CNTNAP2: variants seen among roughly 807,000 people sequenced by gnomAD.
CNTNAP2 encodes the protein contactin associated protein 2, also known as contactin-associated protein-like 2.
In CNTNAP2, 98 loss-of-function variants were observed where a neutral mutation model predicts 155.2. The observed-to-expected ratio is 0.63, with a 90% CI of 0.54 to 0.75. The LOEUF (loss-of-function observed/expected upper bound fraction) is 0.75. Among genes scored for constraint, CNTNAP2 ranks in the 30% least tolerant of loss-of-function variants. The pLI is 0.00. For missense variants in CNTNAP2, 1,727 were observed against 1,688.1 expected (o/e 1.02, Z -0.40); for synonymous variants, 651 against 631.2 (o/e 1.03, Z -0.47).
At chr7:147,390,794 G>A (rs574236113) in intron 9 of CNTNAP2, among the ~76,000 whole-genome samples, 43 of 152,226 alleles carry the variant, frequency 2.8e-4, no homozygotes, top group African/African-American at 8.2e-4. Context: ...TATACAGGCC[G>A]TAAATATTAG....
At chr7:146,604,723 A>G (rs1446222662) in intron 1 of CNTNAP2, among the ~76,000 whole-genome samples, 1 of 137,534 alleles carries the variant, frequency 7.3e-6, no homozygotes, top group Non-Finnish European at 1.6e-5. Flanking sequence ...GCACATATAC[A>G]CCATGGAATA....
intron 21 of CNTNAP2, among the ~76,000 whole-genome samples, chr7:148,316,991 A>G (rs1797701556): frequency 6.6e-6 from 1 of 152,206 alleles, no homozygotes; most frequent in African/African-American, 2.4e-5. Flanking sequence ...AAAACTCCAT[A>G]GGTCCCAAAT....
At chr7:147,827,870 C>T (rs1798486006) in intron 13 of CNTNAP2, among the ~76,000 whole-genome samples, 2 of 152,080 alleles carry the variant, frequency 1.3e-5, no homozygotes, top group African/African-American at 2.4e-5. Flanking sequence ...AAAGATAAAG[C>T]ATATTTCTAT....
intron 13 of CNTNAP2, among the ~76,000 whole-genome samples, chr7:147,878,897 T>C (rs1180365719): frequency 6.6e-6 from 1 of 152,208 alleles, no homozygotes; most frequent in Non-Finnish European, 1.5e-5. Context: ...CTGACAGGGC[T>C]CAATGAAGAT....
At chr7:147,181,352 A>T (rs1802453097) in intron 8 of CNTNAP2, among the ~76,000 whole-genome samples, 1 of 152,234 alleles carries the variant, frequency 6.6e-6, no homozygotes, top group Admixed American at 6.5e-5. Context: ...TTTAAAGATT[A>T]GAATTCACAT....
intron 11 of CNTNAP2, among the ~76,000 whole-genome samples, chr7:147,498,377 C>T (rs1398959853): frequency 2.0e-5 from 3 of 152,166 alleles, no homozygotes; most frequent in Non-Finnish European, 4.4e-5. Context: ...TCCGCTTTTA[C>T]CAGATAAAAT....
intron 1 of CNTNAP2, among the ~76,000 whole-genome samples, chr7:146,534,418 G>A (rs801931): frequency 0.028 from 4,324 of 152,134 alleles, 208 homozygotes; most frequent in African/African-American, 0.098. Context: ...TACAATATGA[G>A]TGCCTTTTAT....
intron 1 of CNTNAP2, among the ~76,000 whole-genome samples, chr7:146,313,048 A>T (rs1391352653): frequency 3.3e-5 from 5 of 152,186 alleles, no homozygotes; most frequent in Admixed American, 6.5e-5. Context: ...TGACATACAG[A>T]TTTCACTACC....
chr7:146,992,539 T>A (rs1222241018), intron 3 of CNTNAP2, among the ~76,000 whole-genome samples: 2 of 152,006 alleles, frequency 1.3e-5, no homozygotes, highest in Non-Finnish European at 2.9e-5. Flanking sequence ...ATAGATTGAA[T>A]CCCAGGTTCC....
chr7:146,683,830 G>A (rs1249896849), intron 1 of CNTNAP2, among the ~76,000 whole-genome samples: 1 of 152,178 alleles, frequency 6.6e-6, no homozygotes, highest in Admixed American at 6.5e-5. Flanking sequence ...CCTGTTTCAA[G>A]GTATGGTAAA....
chr7:147,078,241 G>A (rs1014686), intron 4 of CNTNAP2, among the ~76,000 whole-genome samples: 109,482 of 152,134 alleles, frequency 0.72, 39,407 homozygotes, highest in African/African-American at 0.75. Context: ...CTTTATCTGC[G>A]AAATCACTGG....
chr7:147,672,727 G>C (rs2116968943), intron 13 of CNTNAP2: 1 of 152,214 alleles, frequency 6.6e-6, no homozygotes, highest in East Asian at 1.9e-4. Flanking sequence ...ATCAGCTTTT[G>C]TACTGTGTAT....
intron 8 of CNTNAP2, among the ~76,000 whole-genome samples, chr7:147,182,040 G>C (rs758871871): frequency 8.1e-5 from 12 of 147,564 alleles, no homozygotes; most frequent in Non-Finnish European, 1.8e-4. Context: ...CAGGAGAATT[G>C]CTTGAATCCA....
chr7:147,035,808 C>G (rs1799142604), intron 3 of CNTNAP2, among the ~76,000 whole-genome samples: 2 of 152,132 alleles, frequency 1.3e-5, no homozygotes, highest in Admixed American at 6.6e-5. Context: ...AATAAATATA[C>G]TTATTCTCAT....
Position 147,044,025 on chromosome 7 carries a change from T to C in CNTNAP2, c.521T>C (p.Leu174Pro). The part of the protein sequence containing the change: ...LDWNGEGRIG[L>P]RIEVYGCSYW... ...TGGAATGGAGAAGGTCGCATTGGAC[T>C]CAGAATTGAAGTTTATGGCTGTTCT... Residue 174 changes from leucine (L) to proline (P), a missense_variant, in exon 4 of 24, where the codon CTC (leucine) becomes CCC (proline). Leu to Pro is a moderately conservative substitution (Grantham distance 98). Transcript: ENST00000361727. 1 of 1,614,188 alleles carries C rather than the reference T, an allele frequency of 6.2e-7. No individual in the cohort carries two copies. The highest frequency in any genetic ancestry group is 8.5e-7 in the Non-Finnish European group (1 of 1,180,018).
chr7:147,574,585 T>G (rs994142275), intron 12 of CNTNAP2, among the ~76,000 whole-genome samples: 1 of 151,816 alleles, frequency 6.6e-6, no homozygotes. Context: ...GTCAGCATTA[T>G]TTTTTTCATT....
intron 12 of CNTNAP2, among the ~76,000 whole-genome samples, chr7:147,623,778 TG>T: frequency 6.6e-6 from 1 of 152,050 alleles, no homozygotes; most frequent in South Asian, 2.1e-4. Context: ...AAAATTTATT[TG>T]GAACCACAAA....
chr7:146,721,889 A>ATATTTTTTTTTTTT, intron 1 of CNTNAP2, among the ~76,000 whole-genome samples: 1 of 69,738 alleles, frequency 1.4e-5, no homozygotes, highest in African/African-American at 1.9e-4. Context: ...ATATATATAT[A>ATATTTTTTTTTTTT]TTTTTTTTTT....
At chr7:146,683,834 T>C (rs1183074562) in intron 1 of CNTNAP2, among the ~76,000 whole-genome samples, 1 of 152,210 alleles carries the variant, frequency 6.6e-6, no homozygotes, top group Non-Finnish European at 1.5e-5. Flanking sequence ...TTTCAAGGTA[T>C]GGTAAAATGA....
Sources: gnomAD v4.1 joint callset for allele counts (sites outside exome capture counted in the v4.1 genomes callset) on GRCh38, gnomAD v4.1.1 for gene constraint, MANE v1.5 for transcripts, NCBI Gene and HGNC (gene_info 2026-07-23, HGNC 2026-07-21) for gene names.